The following KCNMA1 variants were observed in gnomAD, a reference collection of about 807,000 sequenced individuals.
The protein encoded by KCNMA1 is potassium calcium-activated channel subfamily M alpha 1.
KCNMA1 carries 29 observed loss-of-function variants against 140.0 expected under a neutral mutation model. The ratio of observed to expected loss-of-function variants is 0.21; its 90% CI spans 0.15 to 0.28. KCNMA1 has a LOEUF of 0.28. KCNMA1 is among the 10% of genes least tolerant of loss of function. The pLI is 1.00. For missense variants in KCNMA1, 880 were observed against 1,602.2 expected, an observed-to-expected ratio of 0.55 and a Z score of 7.70; for synonymous variants, 612 against 611.9, an observed-to-expected ratio of 1.00 and a Z score of 0.00.
At position 77,106,495 on chromosome 10, in the gene KCNMA1, C is replaced by T. The variant is rs556252463; in HGVS notation, c.1223+1986G>A. 7.9e-5 allele frequency among the ~76,000 whole-genome samples: 12 copies of T among 151,700 alleles called. No homozygotes were observed. The East Asian group carries it at 2.3e-3, about 30-fold the overall frequency. ...CACCGAAAGCTGCCGGCCTCCAGCC[C>T]ACCCACCAGCTCACCCACATTTGAC... On this transcript the variant is annotated intron_variant, in intron 9 of 27. Transcript: ENST00000286628.
chr10:77,193,141 G>GTAAA (rs2039179854), intron 3 of KCNMA1, among the ~76,000 whole-genome samples: 1 of 151,946 alleles, frequency 6.6e-6, no homozygotes, highest in Admixed American at 6.6e-5. Flanking sequence ...CATATGTCTT[G>GTAAA]TAAATATCTC....
chr10:77,111,579 T>A (rs1305548744), intron 7 of KCNMA1, among the ~76,000 whole-genome samples: 1 of 152,204 alleles, frequency 6.6e-6, no homozygotes, highest in African/African-American at 2.4e-5. Flanking sequence ...ATCTGGTGAC[T>A]ACGTGAGGCC....
chr10:77,548,926 G>A (rs889608478), intron 1 of KCNMA1, among the ~76,000 whole-genome samples: 2 of 152,140 alleles, frequency 1.3e-5, no homozygotes, highest in African/African-American at 2.4e-5. Context: ...CTCTGGGGTT[G>A]GTATGGAAAC....
intron 2 of KCNMA1, among the ~76,000 whole-genome samples, chr10:77,352,952 C>A: frequency 6.6e-6 from 1 of 152,186 alleles, no homozygotes; most frequent in East Asian, 1.9e-4. Flanking sequence ...GTTGGAAAGG[C>A]AAAGGCCAAA....
intron 8 of KCNMA1, 50 bp downstream of exon 8, chr10:77,110,123 A>C: frequency 6.9e-7 from 1 of 1,459,594 alleles, no homozygotes; most frequent in African/African-American, 1.4e-5. Context: ...GTATCATGGA[A>C]AATATTAACA....
At chr10:77,562,989 C>G (rs2066890834) in intron 1 of KCNMA1, among the ~76,000 whole-genome samples, 1 of 152,006 alleles carries the variant, frequency 6.6e-6, no homozygotes, top group Non-Finnish European at 1.5e-5. Context: ...AAAAATTACG[C>G]TATGCCCTGA....
chr10:77,355,563 T>G (rs184375927), intron 2 of KCNMA1, among the ~76,000 whole-genome samples: 1 of 152,168 alleles, frequency 6.6e-6, no homozygotes, highest in Admixed American at 6.5e-5. Context: ...TCAGTCATAT[T>G]AGGGCCTAAA....
At chr10:77,044,459 GGCAACACA>G (rs1373279563) in intron 14 of KCNMA1, among the ~76,000 whole-genome samples, 3 of 151,944 alleles carry the variant, frequency 2.0e-5, no homozygotes, top group African/African-American at 7.3e-5. Flanking sequence ...GACCAGCCTG[GGCAACACA>G]GCAAGACCCT....
intron 2 of KCNMA1, among the ~76,000 whole-genome samples, chr10:77,310,753 G>A (rs1233954475): frequency 2.6e-5 from 4 of 152,242 alleles, no homozygotes; most frequent in South Asian, 4.2e-4. Context: ...CCTCTTCTGC[G>A]ATTTTTATAA....
rs371301760 is a variant in KCNMA1 at position 77,608,537 on chromosome 10, A to C, written c.378+28728T>G. On this transcript the variant is annotated intron_variant, in intron 1 of 27. Transcript: ENST00000286628. ...CCGGCCAAGGAGAGGATGCACCCCCACACACACACGCATTATAGTCCATAG... is the reference window on the plus strand; with the variant it reads ...CCGGCCAAGGAGAGGATGCACCCCCCCACACACACGCATTATAGTCCATAG... Among the ~76,000 whole-genome samples the C allele has an allele frequency of 1.7e-4, 26 of 152,096 alleles. No homozygotes were observed. In the South Asian group the frequency reaches 4.4e-3, roughly 26 times the overall value.
At chr10:77,308,708 GATA>G (rs1385406708) in intron 2 of KCNMA1, among the ~76,000 whole-genome samples, 28 of 152,182 alleles carry the variant, frequency 1.8e-4, no homozygotes, top group African/African-American at 6.8e-4. Context: ...CCGCCATGCA[GATA>G]ATGTGTGTCC....
chr10:77,479,240 T>C (rs1406191627), intron 1 of KCNMA1, among the ~76,000 whole-genome samples: 1 of 152,182 alleles, frequency 6.6e-6, no homozygotes, highest in East Asian at 1.9e-4. Flanking sequence ...ATTTCTCTCT[T>C]TTCACATAAA....
At chr10:77,200,848 G>C (rs192684435) in intron 3 of KCNMA1, among the ~76,000 whole-genome samples, 1 of 152,092 alleles carries the variant, frequency 6.6e-6, no homozygotes, top group African/African-American at 2.4e-5. Flanking sequence ...TCACACCCAG[G>C]CACATAGAAA....
At chr10:77,298,617 T>A (rs983301043) in intron 2 of KCNMA1, among the ~76,000 whole-genome samples, 5 of 43,426 alleles carry the variant, frequency 1.2e-4, no homozygotes, top group African/African-American at 5.9e-4. Flanking sequence ...GCACCCTAAC[T>A]GAAAAAAAAA....
At chr10:77,344,675 A>G (rs2091783878) in intron 2 of KCNMA1, among the ~76,000 whole-genome samples, 1 of 151,804 alleles carries the variant, frequency 6.6e-6, no homozygotes, top group Non-Finnish European at 1.5e-5. Flanking sequence ...TTCCCTCTTC[A>G]CTAGTCCTCT....
intron 5 of KCNMA1, among the ~76,000 whole-genome samples, chr10:77,131,833 C>T (rs894101386): frequency 6.6e-6 from 1 of 151,718 alleles, no homozygotes; most frequent in Admixed American, 6.6e-5. Context: ...GGCATGGAGG[C>T]AGGCACCTGT....
chr10:77,386,439 C>T (rs755101576), intron 2 of KCNMA1, among the ~76,000 whole-genome samples: 8 of 152,176 alleles, frequency 5.3e-5, no homozygotes, highest in African/African-American at 1.4e-4. Context: ...GAGTGAGTTA[C>T]GGCCCAAGAA....
At chr10:77,387,631 CTTTTT>C (rs1333617963) in intron 2 of KCNMA1, among the ~76,000 whole-genome samples, 2 of 97,032 alleles carry the variant, frequency 2.1e-5, no homozygotes, top group Non-Finnish European at 4.3e-5. Flanking sequence ...CTTTTCTTTT[CTTTTT>C]AGATGGAATC....
At chr10:77,174,154 G>C (rs2098733097) in intron 5 of KCNMA1, among the ~76,000 whole-genome samples, 1 of 152,122 alleles carries the variant, frequency 6.6e-6, no homozygotes, top group African/African-American at 2.4e-5. Context: ...ATGGTCCAGT[G>C]TCTCTTGTGC....
Sources: allele counts gnomAD v4.1 joint callset (sites outside exome capture counted in the v4.1 genomes callset), GRCh38; gene constraint gnomAD v4.1.1; transcripts MANE v1.5; gene names NCBI Gene and HGNC (gene_info 2026-07-23, HGNC 2026-07-21).